Variants in HBS1L observed in about 807,000 individuals in gnomAD.
HBS1L encodes the protein HBS1-like protein.
HBS1L carries 55 observed loss-of-function variants against 88.9 expected under a neutral mutation model. The observed-to-expected ratio is 0.62, with a 90% CI of 0.50 to 0.77. The LOEUF is 0.77. Among genes scored for constraint, HBS1L ranks in the 30% least tolerant of loss-of-function variants. The pLI is 0.00. For synonymous variants in HBS1L, 267 were observed against 288.5 expected (o/e 0.93, Z 0.76); for missense variants, 741 against 829.3 (o/e 0.89, Z 1.31).
chr6:134,966,848 AT>A (rs1450844354), intron 16 of HBS1L, among the ~76,000 whole-genome samples: 1 of 147,956 alleles, frequency 6.8e-6, no homozygotes, highest in African/African-American at 2.7e-5. Flanking sequence ...ACTAAGGCTT[AT>A]TTCTATAAAA....
At chr6:135,053,778 T>C (rs1171408502) in intron 1 of HBS1L, among the ~76,000 whole-genome samples, 1 of 152,248 alleles carries the variant, frequency 6.6e-6, no homozygotes, top group Non-Finnish European at 1.5e-5. Context: ...CTGCATTAGT[T>C]CATTTTTGTT....
rs897008519 is a variant in HBS1L at position 134,986,055 on chromosome 6, A to T, written c.1423+11T>A. 1.8e-5 allele frequency: 19 copies of T among 1,080,926 alleles called. No homozygotes were observed. Among genetic ancestry groups the T allele is most frequent in the Non-Finnish European group, 2.3e-5 (16 of 705,398 alleles). 67.0% of individuals were successfully genotyped at this position (1,080,926 alleles called of 1,614,324 possible). A position where few individuals can be genotyped will look rare whatever the true frequency, so the allele number is the denominator to read the frequency against. Reference sequence around the variant, plus strand: ...TATAATGCATTAAAGCTAGAATGGCAGTATACTTACCAATTTGTTCTAATA... The same window carrying T: ...TATAATGCATTAAAGCTAGAATGGCTGTATACTTACCAATTTGTTCTAATA... On this transcript the variant is annotated intron_variant, in intron 11 of 17. Coordinates refer to ENST00000367837, the MANE Select transcript of HBS1L (RefSeq NM_006620.4).
intron 8 of HBS1L, among the ~76,000 whole-genome samples, chr6:134,990,083 A>G (rs561596688): frequency 4.6e-5 from 7 of 152,196 alleles, no homozygotes; most frequent in African/African-American, 1.7e-4. Context: ...CTGTAAAATT[A>G]TATTTACCTT....
At chr6:134,981,118 A>G (rs76344333) in intron 13 of HBS1L, among the ~76,000 whole-genome samples, 2,292 of 152,066 alleles carry the variant, frequency 0.015, 33 homozygotes, top group East Asian at 0.093. Flanking sequence ...AGAGGTTACA[A>G]GGGAGCCAAC....
At chr6:135,014,642 A>G (rs1300072623) in intron 4 of HBS1L, among the ~76,000 whole-genome samples, 1 of 152,156 alleles carries the variant, frequency 6.6e-6, no homozygotes, top group East Asian at 1.9e-4. Flanking sequence ...GGCAAAACAT[A>G]GGAACCTCAA....
chr6:135,014,851 C>CAAAAAAA (rs57153800), intron 4 of HBS1L, among the ~76,000 whole-genome samples: 1 of 85,380 alleles, frequency 1.2e-5, no homozygotes, highest in Non-Finnish European at 2.2e-5. Flanking sequence ...ACTGTCTCTA[C>CAAAAAAA]AAAAAAAAAA....
At chr6:134,995,845 A>C (rs1775274156) in intron 7 of HBS1L, among the ~76,000 whole-genome samples, 1 of 152,090 alleles carries the variant, frequency 6.6e-6, no homozygotes, top group South Asian at 2.1e-4. Context: ...AAGAAAGAGA[A>C]ACCATTATGA....
chr6:134,987,752 C>G lies in HBS1L; in HGVS notation c.1123G>C (p.Glu375Gln). ...CCAGTCTCAAATCCAGCTTCAAACT[C>G]TCCCCTGCTGGCATCTACAACTAAA... The part of the protein sequence containing the change: ...AVLVVDASRG[E>Q]FEAGFETGGQ... The change falls in exon 9 of 18, where the codon GAG becomes CAG. Residue 375 changes from glutamate (E) to glutamine (Q), a missense_variant. Glu to Gln is a conservative substitution (Grantham distance 29). Around this residue, in one of 3 missense-constraint regions of HBS1L, gnomAD observed 556 missense variants for 598.4 expected, o/e 0.93. Transcript: ENST00000367837. 1 of 1,602,974 alleles carries G rather than the reference C, an allele frequency of 6.2e-7. No individual in the cohort carries two copies. Among genetic ancestry groups the G allele is most frequent in the East Asian group, 2.3e-5 (1 of 43,910 alleles).
chr6:134,978,588 G>GT, intron 15 of HBS1L, 91 bp downstream of exon 15: 1 of 636,422 alleles, frequency 1.6e-6, no homozygotes, highest in African/African-American at 1.8e-5. Flanking sequence ...AATAAATATA[G>GT]TATCACCACT....
intron 3 of HBS1L, among the ~76,000 whole-genome samples, chr6:135,040,988 A>C (rs1024638548): frequency 2.0e-5 from 3 of 152,202 alleles, no homozygotes; most frequent in African/African-American, 7.2e-5. Context: ...TAATAAAGAT[A>C]AGATTGAAAA....
chr6:134,986,139 T>G lies in HBS1L; in HGVS notation c.1350A>C (p.Glu450Asp), dbSNP rs772074143. The G allele has an allele frequency of 1.2e-6, 2 of 1,601,064 alleles. No individual in the cohort carries two copies. Among genetic ancestry groups the G allele is most frequent in the East Asian group, 4.5e-5 (2 of 44,718 alleles). The change falls in exon 11 of 18, where the codon GAA becomes GAC. Residue 450 changes from glutamate to aspartate, a missense_variant. Glu to Asp is a conservative substitution (Grantham distance 45). Transcript: ENST00000367837. ...GFIPTSGLSG[E>D]NLITRSQSSE... The stretch of plus-strand genomic sequence containing the variant: ...TTGACTGAGATCTTGTGATTAGATT[T>G]TCACCACTGAGACCACTTGTAGGAA...
At chr6:134,969,366 A>G in intron 15 of HBS1L, 28 bp from the exon 16 acceptor site, 1 of 1,342,838 alleles carries the variant, frequency 7.4e-7, no homozygotes, top group Non-Finnish European at 1.1e-6. Flanking sequence ...AACACTAAAA[A>G]TCTGCTACCA....
At chr6:135,023,837 G>C (rs1328607155) in intron 4 of HBS1L, among the ~76,000 whole-genome samples, 3 of 150,964 alleles carry the variant, frequency 2.0e-5, no homozygotes, top group South Asian at 2.1e-4. Flanking sequence ...ACATTTATCA[G>C]CTACTTTATT....
chr6:134,969,619 G>A (rs1189853128), intron 15 of HBS1L, among the ~76,000 whole-genome samples: 1 of 152,186 alleles, frequency 6.6e-6, no homozygotes, highest in Non-Finnish European at 1.5e-5. Flanking sequence ...TAAAGATGGA[G>A]GGTAACAACA....
At chr6:135,054,612 C>T (rs980893456) in intron 1 of HBS1L, 37 bp downstream of exon 1, 1 of 1,607,636 alleles carries the variant, frequency 6.2e-7, no homozygotes, top group East Asian at 2.2e-5. Flanking sequence ...CAGCTGTAGC[C>T]GGGAAAAGAA....
At position 134,985,200 on chromosome 6, in the gene HBS1L, T is replaced by A. The variant is rs1046039471; in HGVS notation, c.1492+141A>T. 3.8e-5 allele frequency: 19 copies of A among 493,572 alleles called. No homozygotes were observed. The Admixed American group carries it at 5.0e-4, about 13-fold the overall frequency. The allele number at this position is 493,572 out of a possible 1,614,324, so 30.6% of individuals were successfully genotyped here. ...CTAAATCTGTGCATTTTAAGATTAA[T>A]CTGACAGTGATCCTTACTTGGGCAT... On this transcript the variant is annotated intron_variant, in intron 12 of 17. Transcript: ENST00000367837.
chr6:134,990,117 T>C (rs1165907669), intron 8 of HBS1L, among the ~76,000 whole-genome samples: 2 of 152,202 alleles, frequency 1.3e-5, no homozygotes, highest in Non-Finnish European at 2.9e-5. Context: ...GTGAAATTCA[T>C]TGAATTGGTA....
intron 4 of HBS1L, among the ~76,000 whole-genome samples, chr6:135,016,589 T>C (rs1775929444): frequency 1.3e-5 from 2 of 152,156 alleles, no homozygotes; most frequent in Admixed American, 6.5e-5. Context: ...CACATGATAA[T>C]CTCAAATTGC....
At chr6:135,037,126 G>A in intron 4 of HBS1L, 17 of 1,551,520 alleles carry the variant, frequency 1.1e-5, no homozygotes, top group Non-Finnish European at 1.5e-5. Context: ...TCTTGTGGGA[G>A]AAGCTTTATG....
Sources: gnomAD v4.1 joint callset for allele counts (sites outside exome capture counted in the v4.1 genomes callset) on GRCh38, gnomAD v4.1.1 for gene constraint, gnomAD v4.1.1 regional missense constraint, MANE v1.5 for transcripts, NCBI Gene and HGNC (gene_info 2026-07-23, HGNC 2026-07-21) for gene names.